The following TRIO variants were observed in gnomAD, a reference collection of about 807,000 sequenced individuals.
The protein encoded by TRIO is triple functional domain protein.
Under a neutral mutation model 351.9 loss-of-function variants are expected in TRIO, and 58 were observed. That is an observed-to-expected ratio of 0.16 (90% CI 0.13 to 0.21). The LOEUF is 0.21. Ranked by LOEUF, TRIO falls within the 10% of genes least tolerant of loss-of-function variation. The pLI is 1.00. For missense variants in TRIO, 3,201 were observed against 4,027.8 expected (o/e 0.79, Z 5.56); for synonymous variants, 1,758 against 1,595.7 (o/e 1.10, Z -2.42).
At chr5:14,365,128 A>G (rs1706396821) in intron 15 of TRIO, among the ~76,000 whole-genome samples, 1 of 152,104 alleles carries the variant, frequency 6.6e-6, no homozygotes, top group South Asian at 2.1e-4. Flanking sequence ...AACCCTGAGC[A>G]TATTGCTTCT....
At chr5:14,336,795 T>C in intron 11 of TRIO, 68 bp downstream of exon 11, 2 of 1,542,402 alleles carry the variant, frequency 1.3e-6, no homozygotes. Flanking sequence ...TGGAGGAACC[T>C]AAATTTAGTC....
intron 33 of TRIO, among the ~76,000 whole-genome samples, chr5:14,411,991 C>CTTTTT (rs112955087): frequency 7.2e-6 from 1 of 138,052 alleles, no homozygotes; most frequent in African/African-American, 2.7e-5. Context: ...TTCTTTCTTT[C>CTTTTT]TTTTTTTTTT....
At chr5:14,171,795 C>G (rs564071368) in intron 1 of TRIO, among the ~76,000 whole-genome samples, 1 of 151,964 alleles carries the variant, frequency 6.6e-6, no homozygotes, top group Non-Finnish European at 1.5e-5. Flanking sequence ...GGGGGATGGT[C>G]GGTGGTTAGT....
intron 1 of TRIO, among the ~76,000 whole-genome samples, chr5:14,209,652 G>A (rs1244749774): frequency 1.3e-5 from 2 of 152,208 alleles, no homozygotes; most frequent in African/African-American, 4.8e-5. Flanking sequence ...GATCTCTCGA[G>A]CAGCGGTTGT....
intron 21 of TRIO, among the ~76,000 whole-genome samples, chr5:14,382,176 G>T (rs546396038): frequency 6.6e-6 from 1 of 152,314 alleles, no homozygotes; most frequent in South Asian, 2.1e-4. Context: ...AATATTTTTG[G>T]TTAAAAAGAA....
intron 53 of TRIO, 140 bp downstream of exon 53, chr5:14,498,780 AGTT>A (rs1161536792): frequency 7.6e-7 from 1 of 1,315,828 alleles, no homozygotes; most frequent in Non-Finnish European, 1.0e-6. Context: ...TTCAAAAGAC[AGTT>A]GTAAGTAGCA....
At chr5:14,480,953 G>A (rs558030011) in intron 43 of TRIO, among the ~76,000 whole-genome samples, 19 of 152,062 alleles carry the variant, frequency 1.2e-4, no homozygotes, top group African/African-American at 3.9e-4. Flanking sequence ...GGACAACATA[G>A]TGAGAGCTTG....
chr5:14,300,296 AG>A (rs1490964850), intron 7 of TRIO, among the ~76,000 whole-genome samples: 35 of 152,248 alleles, frequency 2.3e-4, no homozygotes, highest in Non-Finnish European at 1.5e-5. Flanking sequence ...TGTGACCTCA[AG>A]CTGCACTGCC....
chr5:14,419,443 A>C (rs6887662), intron 33 of TRIO, among the ~76,000 whole-genome samples: 1 of 152,078 alleles, frequency 6.6e-6, no homozygotes, highest in African/African-American at 2.4e-5. Flanking sequence ...AATTTGGAAC[A>C]GAACTTTATC....
intron 1 of TRIO, among the ~76,000 whole-genome samples, chr5:14,152,561 G>A (rs535702513): frequency 3.3e-5 from 5 of 152,204 alleles, no homozygotes; most frequent in Admixed American, 6.5e-5. Context: ...TAGTAGAGAC[G>A]GGGTTTCACC....
At chr5:14,238,332 C>T (rs1793908648) in intron 1 of TRIO, among the ~76,000 whole-genome samples, 1 of 152,174 alleles carries the variant, frequency 6.6e-6, no homozygotes, top group Non-Finnish European at 1.5e-5. Context: ...TTAATTTGCT[C>T]ATTATTTTAA....
chr5:14,187,039 A>G (rs1790163111), intron 1 of TRIO, among the ~76,000 whole-genome samples: 1 of 152,168 alleles, frequency 6.6e-6, no homozygotes, highest in African/African-American at 2.4e-5. Flanking sequence ...TAATACCAAG[A>G]TATGTAAATG....
At position 14,498,525 on chromosome 5, in the gene TRIO, G is replaced by T; in HGVS notation, c.8217G>T (p.Leu2739=). 1 of 1,614,024 alleles carries T rather than the reference G, an allele frequency of 6.2e-7. No individual in the cohort carries two copies. Among genetic ancestry groups the T allele is most frequent in the Non-Finnish European group, 8.5e-7 (1 of 1,179,902 alleles). ...DGHYSISYSD[L]GEATLKIVGV... ...GTTCCCATCTGTGCCGCAGTGACCT[G>T]GGAGAGGCCACGCTGAAGATTGTGG... Residue 2739 remains leucine (L), a synonymous_variant, in exon 53 of 57, where the codon CTG becomes CTT. Coordinates refer to ENST00000344204, the MANE Select transcript of TRIO (RefSeq NM_007118.4).
At chr5:14,359,560 G>C in intron 13 of TRIO, 29 bp downstream of exon 13, 3 of 1,606,046 alleles carry the variant, frequency 1.9e-6, no homozygotes, top group Non-Finnish European at 2.6e-6. Context: ...GCGCCTGCCT[G>C]CCTGTGGGAG....
intron 1 of TRIO, among the ~76,000 whole-genome samples, chr5:14,176,903 A>G (rs1789438426): frequency 1.3e-5 from 2 of 152,246 alleles, no homozygotes; most frequent in African/African-American, 4.8e-5. Context: ...CTTTATGGCC[A>G]TTAAATATTT....
At chr5:14,148,198 C>A (rs1384200515) in intron 1 of TRIO, among the ~76,000 whole-genome samples, 3 of 152,116 alleles carry the variant, frequency 2.0e-5, no homozygotes, top group African/African-American at 7.2e-5. Flanking sequence ...TAAATGAAGC[C>A]GGTGGTGGTG....
intron 11 of TRIO, among the ~76,000 whole-genome samples, chr5:14,357,413 A>G (rs1743715478): frequency 6.6e-6 from 1 of 152,224 alleles, no homozygotes; most frequent in Non-Finnish European, 1.5e-5. Context: ...AGAGATCTGC[A>G]GGAGTTAATG....
chr5:14,232,982 C>T (rs1478018450), intron 1 of TRIO, among the ~76,000 whole-genome samples: 3 of 152,158 alleles, frequency 2.0e-5, no homozygotes, highest in African/African-American at 7.2e-5. Flanking sequence ...TGGAACCAGA[C>T]TGCAGTTGAT....
At chr5:14,226,518 A>G (rs1405187146) in intron 1 of TRIO, among the ~76,000 whole-genome samples, 1 of 152,194 alleles carries the variant, frequency 6.6e-6, no homozygotes, top group Non-Finnish European at 1.5e-5. Context: ...AGGAATCTGA[A>G]CATTCTTTTT....
Sources: allele counts gnomAD v4.1 joint callset (sites outside exome capture counted in the v4.1 genomes callset), GRCh38; gene constraint gnomAD v4.1.1; transcripts MANE v1.5; gene names NCBI Gene and HGNC (gene_info 2026-07-23, HGNC 2026-07-21).